The following ARHGAP5 variants were observed in gnomAD, a reference collection of about 807,000 sequenced individuals.
ARHGAP5 encodes rho GTPase-activating protein 5.
In ARHGAP5, 23 loss-of-function variants were observed where a neutral mutation model predicts 116.6. The observed-to-expected ratio is 0.20, with a 90% CI of 0.14 to 0.28. The LOEUF is 0.28. Among genes scored for constraint, ARHGAP5 ranks in the 10% least tolerant of loss-of-function variants. ARHGAP5 has a pLI of 1.00. For missense variants in ARHGAP5, 1,405 were observed against 1,774.8 expected (o/e 0.79, Z 3.74); for synonymous variants, 574 against 602.0 (o/e 0.95, Z 0.68).
At chr14:32,084,401 A>G (rs1351203239) in intron 1 of ARHGAP5, among the ~76,000 whole-genome samples, 3 of 152,094 alleles carry the variant, frequency 2.0e-5, no homozygotes, top group Non-Finnish European at 4.4e-5. Context: ...TTTTTATGTT[A>G]GTATATTTTG....
chr14:32,096,023 A>G (rs1878509045), intron 2 of ARHGAP5, among the ~76,000 whole-genome samples: 1 of 152,168 alleles, frequency 6.6e-6, no homozygotes. Context: ...TTGGAATAGT[A>G]AAAGGGGAAT....
At chr14:32,119,815 C>G (rs1363910209) in intron 3 of ARHGAP5, among the ~76,000 whole-genome samples, 1 of 152,056 alleles carries the variant, frequency 6.6e-6, no homozygotes, top group Non-Finnish European at 1.5e-5. Flanking sequence ...ATTAAACTAA[C>G]CTTACATCCC....
intron 3 of ARHGAP5, among the ~76,000 whole-genome samples, chr14:32,126,902 A>G (rs1193754106): frequency 6.6e-6 from 1 of 152,110 alleles, no homozygotes; most frequent in Non-Finnish European, 1.5e-5. Context: ...AATGTACTTA[A>G]TACCACTGAA....
At chr14:32,141,274 C>A (rs1239478084) in intron 3 of ARHGAP5, among the ~76,000 whole-genome samples, 1 of 152,124 alleles carries the variant, frequency 6.6e-6, no homozygotes, top group Non-Finnish European at 1.5e-5. Flanking sequence ...CTACTAATCT[C>A]TGTCTTAATA....
At chr14:32,140,316 C>T (rs1881058219) in intron 3 of ARHGAP5, among the ~76,000 whole-genome samples, 1 of 151,572 alleles carries the variant, frequency 6.6e-6, no homozygotes, top group Non-Finnish European at 1.5e-5. Context: ...GCACAGTGGC[C>T]CACGCCTGTG....
chr14:32,098,528 A>G (rs553841005), intron 2 of ARHGAP5, among the ~76,000 whole-genome samples: 20 of 152,334 alleles, frequency 1.3e-4, no homozygotes, highest in African/African-American at 4.8e-4. Context: ...GAGGAACAGT[A>G]TGTTCTTAAA....
chr14:32,083,468 A>G (rs2041798240), intron 1 of ARHGAP5, among the ~76,000 whole-genome samples: 3 of 152,216 alleles, frequency 2.0e-5, no homozygotes, highest in Admixed American at 1.3e-4. Flanking sequence ...CTTTACAGAA[A>G]AAGTTTTCCA....
intron 3 of ARHGAP5, among the ~76,000 whole-genome samples, chr14:32,128,130 C>A (rs1880280856): frequency 6.6e-6 from 1 of 150,966 alleles, no homozygotes; most frequent in African/African-American, 2.4e-5. Context: ...TGATGGGCGG[C>A]CAGGCAGAGA....
Position 32,115,489 on chromosome 14 carries a change from G to A in ARHGAP5, c.3718-1651G>A, listed in dbSNP as rs541539556. The stretch of plus-strand genomic sequence containing the variant: ...CTATCCTGGCCAACACGGTGAAACC[G>A]CGTCTCTACTAAAAAAATACAAAAA... On this transcript the variant is annotated intron_variant, in intron 2 of 6. Transcript: ENST00000345122. 9.3e-5 allele frequency among the ~76,000 whole-genome samples: 14 copies of A among 150,042 alleles called. 1 individual carries two copies. The South Asian group carries it at 2.3e-3, about 25-fold the overall frequency.
At chr14:32,114,575 C>G (rs558853070) in intron 2 of ARHGAP5, among the ~76,000 whole-genome samples, 2 of 152,288 alleles carry the variant, frequency 1.3e-5, no homozygotes, top group East Asian at 3.9e-4. Context: ...TCCAATGCCC[C>G]CTTGATAACA....
At chr14:32,083,756 G>A (rs1222906925) in intron 1 of ARHGAP5, among the ~76,000 whole-genome samples, 6 of 151,946 alleles carry the variant, frequency 3.9e-5, no homozygotes, top group Admixed American at 3.3e-4. Context: ...TGAAAATGAC[G>A]GTTCCTCTAC....
intron 2 of ARHGAP5, among the ~76,000 whole-genome samples, chr14:32,110,502 A>G (rs1017519480): frequency 3.3e-5 from 5 of 152,278 alleles, no homozygotes; most frequent in African/African-American, 7.2e-5. Context: ...GGCCACTACA[A>G]AAGTGCAAGG....
Position 32,090,983 on chromosome 14 carries a change from T to G in ARHGAP5, c.314T>G (p.Leu105Trp). ...QTEFIDDQTF[L>W]PHRSTNLQPY... ...GAGTTCATTGATGACCAGACTTTCTTGCCTCATCGGAGTACGAATTTGCAA... is the reference window on the plus strand; with the variant it reads ...GAGTTCATTGATGACCAGACTTTCTGGCCTCATCGGAGTACGAATTTGCAA... The change falls in exon 2 of 7, where the codon TTG becomes TGG. Residue 105 changes from leucine (L) to tryptophan (W), a missense_variant. By Grantham distance (61) the Leu-to-Trp change is moderately conservative (BLOSUM62 -2). This residue lies in a region of ARHGAP5 where 190 missense variants were observed against 314.9 expected (regional missense o/e 0.60). Transcript: ENST00000345122. The G allele has an allele frequency of 1.9e-6, 3 of 1,613,682 alleles. No homozygotes were observed. Among genetic ancestry groups the G allele is most frequent in the Non-Finnish European group, 2.5e-6 (3 of 1,179,682 alleles).
At chr14:32,132,107 A>G (rs903580372) in intron 3 of ARHGAP5, among the ~76,000 whole-genome samples, 1 of 152,142 alleles carries the variant, frequency 6.6e-6, no homozygotes, top group Non-Finnish European at 1.5e-5. Flanking sequence ...CCCAGTAATG[A>G]GATGGCTGGG....
chr14:32,148,172 A>ATCTG (rs1881473970), intron 4 of ARHGAP5, among the ~76,000 whole-genome samples: 1 of 137,726 alleles, frequency 7.3e-6, no homozygotes, highest in African/African-American at 2.7e-5. Flanking sequence ...AAATCTATCT[A>ATCTG]TCTATCTATC....
intron 1 of ARHGAP5, among the ~76,000 whole-genome samples, chr14:32,079,318 G>A (rs2041748061): frequency 6.6e-6 from 1 of 152,144 alleles, no homozygotes; most frequent in Admixed American, 6.5e-5. Context: ...AGTGAGGTGG[G>A]TTACACTTTG....
At chr14:32,088,131 T>G (rs1318653650) in intron 1 of ARHGAP5, among the ~76,000 whole-genome samples, 1 of 152,004 alleles carries the variant, frequency 6.6e-6, no homozygotes, top group Non-Finnish European at 1.5e-5. Context: ...GTAATAGTAT[T>G]CAGAATTATA....
chr14:32,142,033 C>G (rs922432084), intron 3 of ARHGAP5, among the ~76,000 whole-genome samples: 3 of 152,112 alleles, frequency 2.0e-5, no homozygotes, highest in Non-Finnish European at 4.4e-5. Context: ...AACCTCTCAA[C>G]CTCTCTGGTG....
intron 3 of ARHGAP5, among the ~76,000 whole-genome samples, chr14:32,141,117 A>G (rs1881104260): frequency 6.6e-6 from 1 of 152,134 alleles, no homozygotes; most frequent in South Asian, 2.1e-4. Flanking sequence ...TGATACTAGG[A>G]TAGCTACTCC....
Sources: gnomAD v4.1 joint callset for allele counts (sites outside exome capture counted in the v4.1 genomes callset) on GRCh38, gnomAD v4.1.1 for gene constraint, gnomAD v4.1.1 regional missense constraint, MANE v1.5 for transcripts, NCBI Gene and HGNC (gene_info 2026-07-23, HGNC 2026-07-21) for gene names.